PPP4C: variants seen among roughly 807,000 people sequenced by gnomAD.
PPP4C encodes the protein protein phosphatase 4 catalytic subunit, also known as serine/threonine-protein phosphatase 4 catalytic subunit.
A neutral mutation model predicts 40.5 loss-of-function variants in PPP4C; 10 were observed. The ratio of observed to expected loss-of-function variants is 0.25; its 90% CI spans 0.15 to 0.42. The LOEUF (loss-of-function observed/expected upper bound fraction) is 0.42, where lower values mean the gene tolerates loss of function less well. Among genes scored for constraint, PPP4C ranks in the 10% least tolerant of loss-of-function variants. The pLI, the probability that PPP4C is intolerant of heterozygous loss-of-function variation, is 1.00. For synonymous variants in PPP4C, 187 were observed against 163.6 expected, an observed-to-expected ratio of 1.14 and a Z score of -1.09; for missense variants, 191 against 416.4, an observed-to-expected ratio of 0.46 and a Z score of 4.71.
chr16:30,080,178 C>T (rs1373371586), intron 2 of PPP4C, among the ~76,000 whole-genome samples: 1 of 151,668 alleles, frequency 6.6e-6, no homozygotes, highest in Non-Finnish European at 1.5e-5. Flanking sequence ...AATCTCGACT[C>T]TACTAAAAAT....
At chr16:30,081,460 G>A in intron 3 of PPP4C, 150 bp downstream of exon 3, 1 of 656,670 alleles carries the variant, frequency 1.5e-6, no homozygotes, top group Non-Finnish European at 2.6e-6. Flanking sequence ...AAGAAGTGGG[G>A]GTTGCTGTGC....
chr16:30,080,528 A>G (rs1260043622), intron 2 of PPP4C, among the ~76,000 whole-genome samples: 2 of 127,040 alleles, frequency 1.6e-5, no homozygotes, highest in South Asian at 2.6e-4. Flanking sequence ...TTTTTTTGAG[A>G]TGAAGTCTTG....
chr16:30,082,548 C>T lies in PPP4C; in HGVS notation c.201+14C>T. ...GAGCTGTTCAGAGTAAGAGTGTGGC[C>T]AACACTGTGAAATGTAACGGGGGGA... On this transcript the variant is annotated intron_variant, in intron 4 of 8. Coordinates refer to ENST00000279387, the MANE Select transcript of PPP4C (RefSeq NM_002720.3). 1.2e-6 allele frequency: 2 copies of T among 1,609,844 alleles called. No homozygotes were observed. The highest frequency in any genetic ancestry group is 2.2e-5 in the South Asian group (2 of 90,980).
At position 30,080,781 on chromosome 16, in the gene PPP4C, A is replaced by G. The variant is rs370973785; in HGVS notation, c.99-478A>G. Among the ~76,000 whole-genome samples, 50 of 152,312 alleles carry G rather than the reference A, an allele frequency of 3.3e-4. 2 individuals carry two copies. In the East Asian group the frequency reaches 5.6e-3, roughly 17 times the overall value. The stretch of plus-strand genomic sequence containing the variant: ...TGGCATCCCAAAGTGCTGGGATTAC[A>G]GGCATGAGCCACCGCACCTGGCCAA... On this transcript the variant is annotated intron_variant, in intron 2 of 8. Coordinates refer to ENST00000279387, the MANE Select transcript of PPP4C (RefSeq NM_002720.3).
At chr16:30,077,728 C>T (rs2072428763) in intron 2 of PPP4C, among the ~76,000 whole-genome samples, 1 of 152,232 alleles carries the variant, frequency 6.6e-6, no homozygotes, top group Admixed American at 6.5e-5. Flanking sequence ...CTATCCATCT[C>T]TTCCCCCCAG....
intron 2 of PPP4C, among the ~76,000 whole-genome samples, chr16:30,078,233 G>A (rs1440001863): frequency 1.3e-5 from 2 of 152,168 alleles, no homozygotes; most frequent in African/African-American, 4.8e-5. Flanking sequence ...ACAGCCTAAG[G>A]AATACGCAGG....
At chr16:30,081,001 G>A (rs934666203) in intron 2 of PPP4C, among the ~76,000 whole-genome samples, 1 of 152,190 alleles carries the variant, frequency 6.6e-6, no homozygotes, top group African/African-American at 2.4e-5. Flanking sequence ...AGTCAGGGCT[G>A]GAAAAGTCCC....
At position 30,080,113 on chromosome 16, in the gene PPP4C, G is replaced by A. The variant is rs146294386; in HGVS notation, c.99-1146G>A. Among the ~76,000 whole-genome samples the A allele has an allele frequency of 5.1e-3, 773 of 152,208 alleles. 9 individuals carry two copies. Among genetic ancestry groups the A allele is most frequent in the African/African-American group, 0.017 (714 of 41,526 alleles). Reference sequence around the variant, plus strand: ...TAATCCCAGCACTTTGGGAGGCAAAGGTGGGTAGATCACTTGAGGTCAGGA... The same window carrying A: ...TAATCCCAGCACTTTGGGAGGCAAAAGTGGGTAGATCACTTGAGGTCAGGA... On this transcript the variant is annotated intron_variant, in intron 2 of 8. Coordinates refer to ENST00000279387, the MANE Select transcript of PPP4C (RefSeq NM_002720.3).
chr16:30,076,958 C>A (rs372670190), intron 2 of PPP4C, among the ~76,000 whole-genome samples: 1 of 152,270 alleles, frequency 6.6e-6, no homozygotes, highest in African/African-American at 2.4e-5. Flanking sequence ...AAGTTACCCA[C>A]AAGTAAGGAA....
intron 5 of PPP4C, 99 bp downstream of exon 5, chr16:30,082,946 C>G: frequency 9.5e-7 from 1 of 1,050,286 alleles, no homozygotes. Context: ...CCAGCCCCAC[C>G]TTGGAGCTGT....
At chr16:30,082,260 G>C (rs564741295) in intron 3 of PPP4C, among the ~76,000 whole-genome samples, 1 of 152,276 alleles carries the variant, frequency 6.6e-6, no homozygotes, top group East Asian at 1.9e-4. Context: ...CTACCTGGAA[G>C]GACTTAGTTC....
In PPP4C at chr16:30,083,817, C is replaced by A. The variant is rs572605321; in HGVS notation, c.604+36C>A. 2 of 1,610,224 alleles carry A rather than the reference C, an allele frequency of 1.2e-6. No homozygotes were observed. Among genetic ancestry groups the A allele is most frequent in the South Asian group, 1.1e-5 (1 of 91,052 alleles). On this transcript the variant is annotated intron_variant, in intron 7 of 8. Coordinates refer to ENST00000279387, the MANE Select transcript of PPP4C (RefSeq NM_002720.3). The surrounding 1 kb of genome is among the most constrained non-coding windows in gnomAD (Gnocchi z 6.3). Reference sequence around the variant, plus strand: ...GTGGGCAGGGGCAGGCAGGGACAGCCAGGAGGGGTTGGGAAAGAGAGGGAG... The same window carrying A: ...GTGGGCAGGGGCAGGCAGGGACAGCAAGGAGGGGTTGGGAAAGAGAGGGAG...
rs778985452 is a variant in PPP4C at position 30,084,888 on chromosome 16, G to C, written c.794+33G>C. ...GGCTGGGCCGGGCTGGGATGGGCGG[G>C]CATCTGAGCCGAGCTGCTCCTGACC... is the stretch of plus-strand genomic sequence containing the variant. On this transcript the variant is annotated intron_variant, in intron 8 of 8. Transcript: ENST00000279387. The C allele has an allele frequency of 1.4e-5, 22 of 1,613,516 alleles. No homozygotes were observed. The Admixed American group carries it at 3.5e-4, about 26-fold the overall frequency.
Position 30,076,022 on chromosome 16 carries a change from G to A in PPP4C, c.-136G>A. On this transcript the variant is annotated 5_prime_UTR_variant, in exon 1 of 9. Transcript: ENST00000279387. ...GGAAGTAGGAGCGGCGGCGGCGGCG[G>A]CGGCGGCGGTCGAAAGCGGAGTGAA... The A allele has an allele frequency of 2.6e-6, 1 of 382,106 alleles. No individual in the cohort carries two copies. Among genetic ancestry groups the A allele is most frequent in the Non-Finnish European group, 4.8e-6 (1 of 210,164 alleles). The allele number at this position is 382,106 out of a possible 1,614,324, so 23.7% of individuals were successfully genotyped here. A position where few individuals can be genotyped will look rare whatever the true frequency, so the allele number is the denominator to read the frequency against.
chr16:30,077,697 C>T (rs1260414664), intron 2 of PPP4C, among the ~76,000 whole-genome samples: 2 of 152,194 alleles, frequency 1.3e-5, no homozygotes, highest in African/African-American at 4.8e-5. Flanking sequence ...TTTGGCCTGG[C>T]CCGGTACTGG....
At chr16:30,082,562 G>C (rs770740878) in intron 4 of PPP4C, 28 bp downstream of exon 4, 1 of 1,604,664 alleles carries the variant, frequency 6.2e-7, no homozygotes, top group African/African-American at 1.3e-5. Flanking sequence ...ACTGTGAAAT[G>C]TAACGGGGGG....
At chr16:30,076,726 C>G (rs2072408473) in intron 2 of PPP4C, among the ~76,000 whole-genome samples, 1 of 152,038 alleles carries the variant, frequency 6.6e-6, no homozygotes, top group African/African-American at 2.4e-5. Flanking sequence ...TTAGGAAACT[C>G]AAGGAAACAA....
chr16:30,076,006 AGCGGCGGCGGCG>A lies in PPP4C; in HGVS notation c.-138_-127del, dbSNP rs536280015. 1.1e-4 allele frequency: 40 copies of A among 351,806 alleles called. No homozygotes were observed. Among genetic ancestry groups the A allele is most frequent in the East Asian group, 8.5e-4 (11 of 12,996 alleles). The allele number at this position is 351,806 out of a possible 1,614,324, so 21.8% of individuals were successfully genotyped here. ...CTTCCGCGGCGGGGCCGGAAGTAGG[AGCGGCGGCGGCG>A]GCGGCGGCGGCGGTCGAAAGCGGAG... On this transcript the variant is annotated 5_prime_UTR_variant, in exon 1 of 9. Transcript: ENST00000279387.
At position 30,085,309 on chromosome 16, in the gene PPP4C, CTGTT is replaced by C. The variant is rs2072602701; in HGVS notation, c.*253_*256del. The C allele has an allele frequency of 5.2e-6, 2 of 386,844 alleles. No individual in the cohort carries two copies. Among genetic ancestry groups the C allele is most frequent in the Admixed American group, 8.3e-5 (2 of 23,990 alleles). 24.0% of individuals were successfully genotyped at this position (386,844 alleles called of 1,614,324 possible). A position where few individuals can be genotyped will look rare whatever the true frequency, so the allele number is the denominator to read the frequency against. On this transcript the variant is annotated 3_prime_UTR_variant, in exon 9 of 9. Transcript: ENST00000279387. The stretch of plus-strand genomic sequence containing the variant: ...TTTTTTCTTTTTTTCCTTCTTTTTT[CTGTT>C]TGTTTTTAGATAAAAATTTTGAGAA...
Sources: gnomAD v4.1 joint callset for allele counts (sites outside exome capture counted in the v4.1 genomes callset) on GRCh38, gnomAD v4.1.1 for gene constraint, Gnocchi (gnomAD v3.1) non-coding constraint, MANE v1.5 for transcripts, NCBI Gene and HGNC (gene_info 2026-07-23, HGNC 2026-07-21) for gene names.